USP10: variants seen among roughly 807,000 people sequenced by gnomAD.
USP10 encodes ubiquitin carboxyl-terminal hydrolase 10.
Under a neutral mutation model 84.5 loss-of-function variants are expected in USP10, and 22 were observed. The observed-to-expected ratio is 0.26, with a 90% CI of 0.19 to 0.37. The LOEUF is 0.37. USP10 is among the 10% of genes least tolerant of loss of function. USP10 has a pLI of 1.00. For missense variants in USP10, 1,019 were observed against 998.9 expected, an observed-to-expected ratio of 1.02 and a Z score of -0.27; for synonymous variants, 454 against 387.6, an observed-to-expected ratio of 1.17 and a Z score of -2.01.
intron 2 of USP10, among the ~76,000 whole-genome samples, chr16:84,735,102 C>A (rs190063260): frequency 5.3e-5 from 8 of 152,066 alleles, no homozygotes; most frequent in African/African-American, 1.7e-4. Context: ...TCACAATTCA[C>A]TGCAACTTTG....
At chr16:84,776,498 G>A (rs909202050) in intron 13 of USP10, among the ~76,000 whole-genome samples, 3 of 152,216 alleles carry the variant, frequency 2.0e-5, no homozygotes, top group African/African-American at 7.2e-5. Context: ...GCGCTTGTGG[G>A]TGTCTCCAGC....
chr16:84,758,152 T>G (rs1026510746), intron 4 of USP10, among the ~76,000 whole-genome samples: 7 of 152,332 alleles, frequency 4.6e-5, no homozygotes, highest in African/African-American at 1.7e-4. Flanking sequence ...GTTGCTAAAT[T>G]GGATTTCTAG....
chr16:84,759,277 T>G (rs1304724666), intron 5 of USP10, 86 bp from the exon 6 acceptor site: 4 of 1,297,428 alleles, frequency 3.1e-6, no homozygotes, highest in Non-Finnish European at 4.4e-6. Flanking sequence ...CTTGTGTTTT[T>G]ATAAACATTC....
chr16:84,720,576 A>ATTT (rs10699847), intron 1 of USP10, among the ~76,000 whole-genome samples: 18,910 of 87,640 alleles, frequency 0.22, 3,215 homozygotes, highest in East Asian at 0.47. Context: ...ATGATGCCCA[A>ATTT]TTTTTTTTTT....
chr16:84,779,509 T>C lies in USP10; in HGVS notation c.*427T>C, dbSNP rs1441352799. 6.5e-6 allele frequency: 1 copy of C among 153,392 alleles called. No homozygotes were observed. Among genetic ancestry groups the C allele is most frequent in the African/African-American group, 2.4e-5 (1 of 41,484 alleles). 9.5% of individuals were successfully genotyped at this position (153,392 alleles called of 1,614,324 possible). A position where few individuals can be genotyped will look rare whatever the true frequency, so the allele number is the denominator to read the frequency against. ...ACACTTTTCTTCCCTACCCTTTAGT[T>C]TTTGATAAATGATAAAAATGAGCCA... On this transcript the variant is annotated 3_prime_UTR_variant, in exon 14 of 14. Transcript: ENST00000219473.
chr16:84,735,725 TCAGAACTCG>T (rs1463991856), intron 2 of USP10, among the ~76,000 whole-genome samples: 1 of 152,180 alleles, frequency 6.6e-6, no homozygotes, highest in Non-Finnish European at 1.5e-5. Context: ...AGCTCAAGCT[TCAGAACTCG>T]TAGTGTGTGT....
At chr16:84,708,205 T>A (rs1038933735) in intron 1 of USP10, among the ~76,000 whole-genome samples, 3 of 152,114 alleles carry the variant, frequency 2.0e-5, no homozygotes, top group African/African-American at 4.8e-5. Context: ...ATCCCAGCAC[T>A]TTGGGAGGTC....
At chr16:84,704,922 C>G in intron 1 of USP10, 3 of 1,534,664 alleles carry the variant, frequency 2.0e-6, no homozygotes, top group Non-Finnish European at 2.6e-6. Flanking sequence ...TCGACTTTCC[C>G]TTTTGGGCTC....
chr16:84,761,618 T>C (rs151155196), intron 8 of USP10, among the ~76,000 whole-genome samples: 3 of 152,298 alleles, frequency 2.0e-5, no homozygotes, highest in Admixed American at 1.3e-4. Flanking sequence ...CATTACAGAC[T>C]CCGTGTCCAG....
chr16:84,745,742 G>C, intron 4 of USP10, 69 bp downstream of exon 4: 1 of 1,478,334 alleles, frequency 6.8e-7, no homozygotes, highest in Middle Eastern at 1.8e-4. Context: ...CTTATAGACT[G>C]TGGTGTTACC....
intron 2 of USP10, among the ~76,000 whole-genome samples, chr16:84,739,553 A>G (rs979902635): frequency 1.3e-5 from 2 of 152,170 alleles, no homozygotes; most frequent in African/African-American, 4.8e-5. Context: ...GATTACAGGC[A>G]TGAGCCACCA....
chr16:84,712,474 G>A (rs1318064490), intron 1 of USP10, among the ~76,000 whole-genome samples: 2 of 152,276 alleles, frequency 1.3e-5, no homozygotes, highest in South Asian at 2.1e-4. Flanking sequence ...CTGTTGGATC[G>A]GTTAATTGGC....
intron 13 of USP10, 22 bp from the exon 14 acceptor site, chr16:84,778,873 T>C: frequency 6.2e-7 from 1 of 1,606,830 alleles, no homozygotes; most frequent in South Asian, 1.1e-5. Flanking sequence ...CTCACTCTGC[T>C]GCCTGCTGGG....
At chr16:84,761,038 G>T (rs560773221) in intron 8 of USP10, among the ~76,000 whole-genome samples, 1 of 152,306 alleles carries the variant, frequency 6.6e-6, no homozygotes, top group Admixed American at 6.5e-5. Context: ...GTAGCATAGG[G>T]TCTTAAGCTT....
intron 1 of USP10, chr16:84,732,933 A>G (rs986461782): frequency 9.3e-5 from 35 of 374,836 alleles, no homozygotes; most frequent in Non-Finnish European, 1.6e-5. Flanking sequence ...ATGGAAATGC[A>G]TTTTTAAACT....
chr16:84,741,294 A>G (rs182375429), intron 3 of USP10, among the ~76,000 whole-genome samples: 114 of 152,282 alleles, frequency 7.5e-4, no homozygotes, highest in Admixed American at 2.6e-3. Context: ...AGATCTAACA[A>G]TAGCTTAGGA....
intron 9 of USP10, among the ~76,000 whole-genome samples, chr16:84,763,620 C>G (rs562179470): frequency 3.9e-5 from 6 of 152,250 alleles, no homozygotes; most frequent in Non-Finnish European, 8.8e-5. Context: ...TCAAATTTCG[C>G]CAGTTGTCCC....
chr16:84,710,457 G>A (rs1028276654), intron 1 of USP10, among the ~76,000 whole-genome samples: 27 of 152,032 alleles, frequency 1.8e-4, no homozygotes, highest in Admixed American at 1.7e-3. Context: ...TTCTTTTGGG[G>A]ACTTTTGAGA....
intron 13 of USP10, among the ~76,000 whole-genome samples, chr16:84,776,735 C>G (rs989036118): frequency 3.9e-5 from 6 of 152,222 alleles, no homozygotes; most frequent in Non-Finnish European, 8.8e-5. Flanking sequence ...ACACACACCC[C>G]TCCCCGACTC....
Sources: gnomAD v4.1 joint callset for allele counts (sites outside exome capture counted in the v4.1 genomes callset) on GRCh38, gnomAD v4.1.1 for gene constraint, MANE v1.5 for transcripts, NCBI Gene and HGNC (gene_info 2026-07-23, HGNC 2026-07-21) for gene names.